Variants in DYM observed in about 807,000 individuals in gnomAD.
The protein encoded by DYM is dymeclin.
In DYM, 78 loss-of-function variants were observed where a neutral mutation model predicts 93.1. The observed-to-expected ratio is 0.84, with a 90% CI of 0.70 to 1.01. The LOEUF is 1.01. DYM is among the 50% of genes least tolerant of loss of function. The probability of loss-of-function intolerance (pLI) is 0.00; values close to 1 mark genes in which losing one functional copy is unlikely to be tolerated. For synonymous variants in DYM, 321 were observed against 319.7 expected (o/e 1.00, Z -0.04); for missense variants, 789 against 845.0 (o/e 0.93, Z 0.82).
At chr18:49,359,071 A>T (rs2065807840) in intron 6 of DYM, among the ~76,000 whole-genome samples, 1 of 152,144 alleles carries the variant, frequency 6.6e-6, no homozygotes, top group Non-Finnish European at 1.5e-5. Context: ...ACAGTGTCAC[A>T]AATTCCGAGC....
At chr18:49,189,602 G>A (rs944241571) in intron 14 of DYM, among the ~76,000 whole-genome samples, 2 of 152,104 alleles carry the variant, frequency 1.3e-5, no homozygotes, top group African/African-American at 2.4e-5. Flanking sequence ...AAAAGTCACA[G>A]GCATAAGTGA....
chr18:49,365,366 C>T (rs2066426935), intron 5 of DYM, among the ~76,000 whole-genome samples: 1 of 152,060 alleles, frequency 6.6e-6, no homozygotes, highest in East Asian at 1.9e-4. Context: ...AGTTCAACAA[C>T]CAAATTAAAT....
At chr18:49,104,010 C>T (rs1453696277) in intron 16 of DYM, among the ~76,000 whole-genome samples, 1 of 152,044 alleles carries the variant, frequency 6.6e-6, no homozygotes, top group Non-Finnish European at 1.5e-5. Context: ...GGCAGTATGG[C>T]CATTATCACG....
At chr18:49,149,453 A>T (rs1438219660) in intron 15 of DYM, among the ~76,000 whole-genome samples, 1 of 150,794 alleles carries the variant, frequency 6.6e-6, no homozygotes, top group Non-Finnish European at 1.5e-5. Context: ...AATTCCCAAC[A>T]CTCCCAATCT....
chr18:49,136,301 ATT>A (rs977540834), intron 15 of DYM, among the ~76,000 whole-genome samples: 1 of 152,240 alleles, frequency 6.6e-6, no homozygotes, highest in Non-Finnish European at 1.5e-5. Flanking sequence ...CTGGACTTAC[ATT>A]TTCAAAGCCC....
Position 49,042,890 on chromosome 18 carries a change from A to G in DYM, c.*1165T>C, listed in dbSNP as rs983665545. 4 of 152,172 alleles carry G rather than the reference A, an allele frequency of 2.6e-5. No individual in the cohort carries two copies. Among genetic ancestry groups the G allele is most frequent in the African/African-American group, 9.7e-5 (4 of 41,438 alleles). 9.4% of individuals were successfully genotyped at this position (152,172 alleles called of 1,614,324 possible). The stretch of plus-strand genomic sequence containing the variant: ...CCGGCCCAGAAACAAAGAGCAAAAC[A>G]TGCTTTTCATCCCACGTGGAATACA... On this transcript the variant is annotated 3_prime_UTR_variant, in exon 18 of 18. Coordinates refer to ENST00000675505, the MANE Select transcript of DYM (RefSeq NM_001353214.3).
chr18:49,404,869 C>T (rs2071278537), intron 2 of DYM, among the ~76,000 whole-genome samples: 1 of 151,896 alleles, frequency 6.6e-6, no homozygotes, highest in Non-Finnish European at 1.5e-5. Flanking sequence ...AAAAATTAGC[C>T]AGGCATGGTG....
chr18:49,451,848 T>A (rs1391286840), intron 1 of DYM, among the ~76,000 whole-genome samples: 1 of 152,248 alleles, frequency 6.6e-6, no homozygotes, highest in African/African-American at 2.4e-5. Context: ...TTAAGTTGTG[T>A]GCCTACATTT....
intron 15 of DYM, among the ~76,000 whole-genome samples, chr18:49,151,922 G>T (rs1705999989): frequency 6.6e-6 from 1 of 152,102 alleles, no homozygotes; most frequent in Admixed American, 6.5e-5. Context: ...TCAGGAAAAG[G>T]TGTTTTTATA....
chr18:49,255,934 A>C (rs1051375386), intron 13 of DYM, among the ~76,000 whole-genome samples: 1 of 151,350 alleles, frequency 6.6e-6, no homozygotes, highest in African/African-American at 2.4e-5. Context: ...ACAAAAAAAA[A>C]TTAGCCGGGT....
chr18:49,134,818 C>G (rs1405534201), intron 15 of DYM, among the ~76,000 whole-genome samples: 1 of 152,138 alleles, frequency 6.6e-6, no homozygotes, highest in Non-Finnish European at 1.5e-5. Context: ...ATCAAAAACA[C>G]TTTTCTCAGC....
chr18:49,234,054 G>A (rs2144530176), intron 13 of DYM, among the ~76,000 whole-genome samples: 1 of 152,210 alleles, frequency 6.6e-6, no homozygotes, highest in African/African-American at 2.4e-5. Context: ...GCATGAACCT[G>A]GGAGGCGGAG....
At chr18:49,180,325 C>T (rs1473808580) in intron 14 of DYM, among the ~76,000 whole-genome samples, 1 of 152,030 alleles carries the variant, frequency 6.6e-6, no homozygotes, top group African/African-American at 2.4e-5. Context: ...AGTGCCCATC[C>T]TCGTTCTCTG....
At chr18:49,313,498 G>A (rs1211866683) in intron 8 of DYM, among the ~76,000 whole-genome samples, 2 of 43,788 alleles carry the variant, frequency 4.6e-5, no homozygotes, top group African/African-American at 6.7e-5. Flanking sequence ...AAAAAAAAAA[G>A]GGCTGCAGTA....
chr18:49,122,725 C>T (rs1388853399), intron 15 of DYM, among the ~76,000 whole-genome samples: 5 of 152,148 alleles, frequency 3.3e-5, no homozygotes, highest in South Asian at 2.1e-4. Flanking sequence ...TCCACAAAAC[C>T]GGGTCCCTGG....
intron 10 of DYM, among the ~76,000 whole-genome samples, chr18:49,281,566 A>G (rs1451330342): frequency 6.6e-6 from 1 of 152,246 alleles, no homozygotes. Context: ...ATGTCCAACA[A>G]TGATAGACTG....
At chr18:49,171,051 T>A (rs529628822) in intron 14 of DYM, among the ~76,000 whole-genome samples, 1 of 152,034 alleles carries the variant, frequency 6.6e-6, no homozygotes, top group Admixed American at 6.6e-5. Flanking sequence ...AGTCACTGGA[T>A]TTGGCACAAG....
intron 1 of DYM, among the ~76,000 whole-genome samples, chr18:49,435,234 G>A (rs1484511909): frequency 9.0e-5 from 13 of 144,368 alleles, no homozygotes; most frequent in South Asian, 2.2e-4. Flanking sequence ...AAAAAGAAGT[G>A]AAATGAAGGA....
chr18:49,358,969 T>A (rs1300431201), intron 6 of DYM, among the ~76,000 whole-genome samples: 1 of 152,224 alleles, frequency 6.6e-6, no homozygotes, highest in Non-Finnish European at 1.5e-5. Context: ...ACGGCATCAC[T>A]GCTTCTGCGG....
Sources: gnomAD v4.1 joint callset for allele counts (sites outside exome capture counted in the v4.1 genomes callset) on GRCh38, gnomAD v4.1.1 for gene constraint, MANE v1.5 for transcripts, NCBI Gene and HGNC (gene_info 2026-07-23, HGNC 2026-07-21) for gene names.